The following KLF8 variants were observed in gnomAD, a reference collection of about 807,000 sequenced individuals.
KLF8 encodes the protein KLF transcription factor 8.
Under a neutral mutation model 18.2 loss-of-function variants are expected in KLF8, and 10 were observed. That is an observed-to-expected ratio of 0.55 (90% CI 0.34 to 0.93). The LOEUF (loss-of-function observed/expected upper bound fraction) is 0.93, where lower values mean the gene tolerates loss of function less well. Among genes scored for constraint, KLF8 ranks in the 40% least tolerant of loss-of-function variants. The pLI is 0.02. For missense variants in KLF8, 264 were observed against 277.9 expected (o/e 0.95, Z 0.36); for synonymous variants, 109 against 97.3 (o/e 1.12, Z -0.71).
intron 5 of KLF8, among the ~76,000 whole-genome samples, chrX:56,273,753 G>T (rs901725187): frequency 9.0e-6 from 1 of 111,599 alleles, no homozygotes; most frequent in Non-Finnish European, 1.9e-5. Flanking sequence ...AGACAAAGAG[G>T]AAGCCCTCCT....
chrX:56,039,084 A>G, the KLF8 span, among the ~76,000 whole-genome samples: 5 of 111,870 alleles, frequency 4.5e-5, no homozygotes, highest in Admixed American at 9.5e-5. Context: ...AATTTGTTTA[A>G]TATCCTTATA....
the KLF8 span, among the ~76,000 whole-genome samples, chrX:56,122,931 C>A: frequency 2.7e-5 from 3 of 110,545 alleles, no homozygotes; most frequent in South Asian, 1.2e-3. Flanking sequence ...GCCTCAATTA[C>A]CTCCTTTCTT....
chrX:56,008,079 ATATGT>A, the KLF8 span, among the ~76,000 whole-genome samples: 1 of 110,483 alleles, frequency 9.1e-6, no homozygotes, highest in Admixed American at 9.6e-5. Flanking sequence ...CTAATAACTA[ATATGT>A]TATGCAAATA....
chrX:55,985,859 C>A, the KLF8 span, among the ~76,000 whole-genome samples: 2 of 110,510 alleles, frequency 1.8e-5, no homozygotes, highest in Non-Finnish European at 3.8e-5. Context: ...TCCTTGTTAG[C>A]TTTATTCCTG....
the KLF8 span, among the ~76,000 whole-genome samples, chrX:55,953,574 C>G: frequency 9.0e-6 from 1 of 110,975 alleles, no homozygotes; most frequent in Non-Finnish European, 1.9e-5. Context: ...AATTTCAAAA[C>G]TCACTATCAA....
At chrX:56,222,034 C>A in the KLF8 span, among the ~76,000 whole-genome samples, 3 of 111,190 alleles carry the variant, frequency 2.7e-5, no homozygotes, top group Admixed American at 2.9e-4. Flanking sequence ...TCCACCTCCC[C>A]ACTAGATTAG....
chrX:56,251,486 G>A (rs778295802), intron 2 of KLF8, among the ~76,000 whole-genome samples: 4 of 108,742 alleles, frequency 3.7e-5, no homozygotes, highest in Non-Finnish European at 5.7e-5. Flanking sequence ...TATTTGAGAC[G>A]GAGTCTCGCT....
the KLF8 span, among the ~76,000 whole-genome samples, chrX:55,938,303 A>G: frequency 9.0e-6 from 1 of 111,315 alleles, no homozygotes; most frequent in African/African-American, 3.3e-5. Context: ...GAAATAAAAT[A>G]CTTTACAGAC....
the KLF8 span, among the ~76,000 whole-genome samples, chrX:56,094,835 A>T: frequency 9.0e-6 from 1 of 110,908 alleles, no homozygotes; most frequent in Non-Finnish European, 1.9e-5. Flanking sequence ...GGTAAAATCC[A>T]CTCTTTTAAG....
At chrX:55,991,063 G>A in the KLF8 span, among the ~76,000 whole-genome samples, 14 of 112,348 alleles carry the variant, frequency 1.2e-4, no homozygotes, top group African/African-American at 4.5e-4. Flanking sequence ...GGAGTTTTCT[G>A]CTGCTTTTTG....
At chrX:56,074,244 C>A in the KLF8 span, among the ~76,000 whole-genome samples, 10 of 111,653 alleles carry the variant, frequency 9.0e-5, no homozygotes, top group African/African-American at 3.2e-4. Context: ...ATTGTCTTCT[C>A]CTTTTTTGAT....
At chrX:56,245,099 T>C (rs1351230328) in intron 1 of KLF8, among the ~76,000 whole-genome samples, 3 of 112,539 alleles carry the variant, frequency 2.7e-5, no homozygotes, top group Non-Finnish European at 5.6e-5. Context: ...ATGAAAGCTG[T>C]GTATTTCCTT....
chrX:55,937,162 C>A, the KLF8 span, among the ~76,000 whole-genome samples: 4 of 110,736 alleles, frequency 3.6e-5, no homozygotes, highest in African/African-American at 6.6e-5. Context: ...GCCGGGTACT[C>A]CTCTGACACA....
In KLF8 at chrX:56,287,914, T is replaced by G. The variant is rs1049067135; in HGVS notation, c.*3420T>G. On this transcript the variant is annotated 3_prime_UTR_variant, in exon 6 of 6. Transcript: ENST00000468660. ...ACTGAAGTCCATACTTTATTCAGGTTTCTTTAGTTTTTACCTAAGATCCTT... is the reference window on the plus strand; with the variant it reads ...ACTGAAGTCCATACTTTATTCAGGTGTCTTTAGTTTTTACCTAAGATCCTT... The G allele has an allele frequency of 9.5e-6, 1 of 104,901 alleles. No homozygotes were observed. The highest frequency in any genetic ancestry group is 4.1e-5 in the African/African-American group (1 of 24,586). The allele number at this position is 104,901 out of a possible 1,213,427, so 8.6% of individuals were successfully genotyped here.
intron 5 of KLF8, among the ~76,000 whole-genome samples, chrX:56,277,716 G>A (rs750981720): frequency 2.7e-5 from 3 of 112,642 alleles, no homozygotes; most frequent in South Asian, 7.3e-4. Context: ...GAAGCAAGCC[G>A]TACTTATGTC....
the KLF8 span, among the ~76,000 whole-genome samples, chrX:55,921,271 T>C: frequency 2.7e-5 from 3 of 112,319 alleles, no homozygotes; most frequent in African/African-American, 9.7e-5. Flanking sequence ...TAGCCAGTTT[T>C]CCCAGCATCA....
At chrX:56,164,784 G>T in the KLF8 span, among the ~76,000 whole-genome samples, 1 of 79,193 alleles carries the variant, frequency 1.3e-5, no homozygotes, top group Admixed American at 1.6e-4. Flanking sequence ...TAAGTTTTAG[G>T]GTACATGTGC....
chrX:55,982,806 T>A, the KLF8 span, among the ~76,000 whole-genome samples: 4 of 112,348 alleles, frequency 3.6e-5, no homozygotes, highest in Non-Finnish European at 5.6e-5. Flanking sequence ...ATGAAAGCTA[T>A]TGTTATATTA....
the KLF8 span, among the ~76,000 whole-genome samples, chrX:55,929,983 T>G: frequency 1.8e-5 from 2 of 110,831 alleles, no homozygotes; most frequent in African/African-American, 6.6e-5. Flanking sequence ...AGTATGGCCA[T>G]TTTCACGATA....
Sources: gnomAD v4.1 joint callset for allele counts (sites outside exome capture counted in the v4.1 genomes callset) on GRCh38, gnomAD v4.1.1 for gene constraint, MANE v1.5 for transcripts, NCBI Gene and HGNC (gene_info 2026-07-23, HGNC 2026-07-21) for gene names.